The following SLC30A8 variants were observed in gnomAD, a reference collection of about 807,000 sequenced individuals.
SLC30A8 encodes proton-coupled zinc antiporter SLC30A8.
A neutral mutation model predicts 36.9 loss-of-function variants in SLC30A8; 27 were observed. That is an observed-to-expected ratio of 0.73 (90% CI 0.54 to 1.01). The LOEUF (loss-of-function observed/expected upper bound fraction) is 1.01. Among genes scored for constraint, SLC30A8 ranks in the 50% least tolerant of loss-of-function variants. The pLI is 0.00. For missense variants in SLC30A8, 439 were observed against 452.0 expected (o/e 0.97, Z 0.26); for synonymous variants, 164 against 172.4 (o/e 0.95, Z 0.38).
chr8:117,102,200 G>A (rs1477399217), intron 2 of SLC30A8, among the ~76,000 whole-genome samples: 1 of 152,068 alleles, frequency 6.6e-6, no homozygotes, highest in Admixed American at 6.6e-5. Flanking sequence ...TTTAGCTTGT[G>A]CTTCCTTTTT....
chr8:117,095,430 A>G (rs1819315616), intron 2 of SLC30A8, among the ~76,000 whole-genome samples: 2 of 151,978 alleles, frequency 1.3e-5, no homozygotes, highest in South Asian at 4.1e-4. Flanking sequence ...TAGTAACACT[A>G]GGAACTAAAA....
chr8:116,972,646 T>C (rs1283916783), intron 1 of SLC30A8, among the ~76,000 whole-genome samples: 1 of 152,178 alleles, frequency 6.6e-6, no homozygotes, highest in Non-Finnish European at 1.5e-5. Context: ...TGGGGGACCA[T>C]AGTGACCAGT....
intron 2 of SLC30A8, among the ~76,000 whole-genome samples, chr8:117,110,547 C>G (rs1342984133): frequency 6.6e-6 from 1 of 152,146 alleles, no homozygotes; most frequent in Non-Finnish European, 1.5e-5. Flanking sequence ...TCTGCAGGAG[C>G]TGGCTGGATG....
intron 4 of SLC30A8, 32 bp downstream of exon 4, chr8:117,157,876 C>T: frequency 6.2e-7 from 1 of 1,609,978 alleles, no homozygotes; most frequent in Middle Eastern, 1.7e-4. Context: ...ACACACTGCT[C>T]ATGAGGCTCT....
intron 1 of SLC30A8, among the ~76,000 whole-genome samples, chr8:117,002,269 C>T (rs1431718066): frequency 6.6e-6 from 1 of 152,122 alleles, no homozygotes; most frequent in African/African-American, 2.4e-5. Context: ...TAGATCATTG[C>T]CAAGAGCAAG....
At chr8:117,109,544 A>G (rs1820134091) in intron 2 of SLC30A8, among the ~76,000 whole-genome samples, 1 of 152,106 alleles carries the variant, frequency 6.6e-6, no homozygotes, top group Non-Finnish European at 1.5e-5. Flanking sequence ...CAATAGGAAA[A>G]AAACAAGAGA....
intron 2 of SLC30A8, among the ~76,000 whole-genome samples, chr8:117,059,024 C>T (rs1028954688): frequency 5.0e-5 from 7 of 138,822 alleles, no homozygotes; most frequent in Non-Finnish European, 7.7e-5. Context: ...AAATGTGTGA[C>T]AGAAATTTCA....
chr8:116,984,474 A>G (rs1815375462), intron 1 of SLC30A8, among the ~76,000 whole-genome samples: 1 of 152,122 alleles, frequency 6.6e-6, no homozygotes, highest in African/African-American at 2.4e-5. Context: ...AGCTTTTGGT[A>G]TAGTTATTAT....
chr8:117,153,850 G>T (rs1822329744), intron 3 of SLC30A8, among the ~76,000 whole-genome samples: 1 of 152,064 alleles, frequency 6.6e-6, no homozygotes, highest in South Asian at 2.1e-4. Flanking sequence ...TTTATTAAAT[G>T]TGGTTCACGT....
chr8:117,035,908 G>A (rs1260787924), intron 1 of SLC30A8, among the ~76,000 whole-genome samples: 1 of 152,186 alleles, frequency 6.6e-6, no homozygotes, highest in African/African-American at 2.4e-5. Flanking sequence ...GACTCAGGGT[G>A]CTATGTCCTA....
At chr8:117,033,731 G>A (rs1402959411) in intron 1 of SLC30A8, among the ~76,000 whole-genome samples, 1 of 152,180 alleles carries the variant, frequency 6.6e-6, no homozygotes, top group Non-Finnish European at 1.5e-5. Flanking sequence ...CTATCAGCTG[G>A]TCCTGGCTTT....
intron 2 of SLC30A8, among the ~76,000 whole-genome samples, chr8:117,068,398 A>G (rs951045646): frequency 1.3e-5 from 2 of 152,140 alleles, no homozygotes; most frequent in Non-Finnish European, 2.9e-5. Flanking sequence ...TTTCTAAAAC[A>G]AGGATGATTA....
chr8:117,165,790 A>G (rs1439459027), intron 6 of SLC30A8, among the ~76,000 whole-genome samples: 1 of 152,226 alleles, frequency 6.6e-6, no homozygotes, highest in Admixed American at 6.5e-5. Context: ...ATGGAATACT[A>G]TTCAGCTATG....
chr8:117,088,411 C>T (rs1426948804), intron 2 of SLC30A8, among the ~76,000 whole-genome samples: 2 of 152,170 alleles, frequency 1.3e-5, no homozygotes, highest in East Asian at 3.9e-4. Context: ...TAGTAGACCT[C>T]TTTCAAATTA....
chr8:117,128,425 GTGTGTGTGCTTGTGTGTGCT>G (rs140664139), intron 2 of SLC30A8: 1 of 152,096 alleles, frequency 6.6e-6, no homozygotes, highest in Admixed American at 6.5e-5. Context: ...AAAGGCGTGT[GTGTGTGTGCTTGTGTGTGCT>G]TGTGTGTGCG....
At chr8:116,952,530 C>T (rs985781323) in intron 1 of SLC30A8, among the ~76,000 whole-genome samples, 4 of 151,998 alleles carry the variant, frequency 2.6e-5, no homozygotes, top group Admixed American at 6.5e-5. Flanking sequence ...CTGCAAACTC[C>T]GCCTTCCGGG....
At chr8:116,952,569 C>T (rs929104831) in intron 1 of SLC30A8, among the ~76,000 whole-genome samples, 2 of 152,128 alleles carry the variant, frequency 1.3e-5, no homozygotes, top group South Asian at 2.1e-4. Flanking sequence ...CTCAGCCTCC[C>T]GAGTAGCTGG....
intron 2 of SLC30A8, among the ~76,000 whole-genome samples, chr8:117,067,976 G>T (rs1447418719): frequency 6.6e-6 from 1 of 152,168 alleles, no homozygotes; most frequent in Non-Finnish European, 1.5e-5. Context: ...CTTACCTACA[G>T]TTTCCAAGAA....
chr8:117,161,030 A>G (rs1379370376), intron 4 of SLC30A8, among the ~76,000 whole-genome samples: 1 of 152,188 alleles, frequency 6.6e-6, no homozygotes, highest in Admixed American at 6.5e-5. Context: ...AGAATTATGT[A>G]CATAGTTTGT....
Sources: allele counts gnomAD v4.1 joint callset (sites outside exome capture counted in the v4.1 genomes callset), GRCh38; gene constraint gnomAD v4.1.1; transcripts MANE v1.5; gene names NCBI Gene and HGNC (gene_info 2026-07-23, HGNC 2026-07-21).